LARGE1: variants seen among roughly 807,000 people sequenced by gnomAD.
The protein encoded by LARGE1 is LARGE xylosyl- and glucuronyltransferase 1.
In LARGE1, 43 loss-of-function variants were observed where a neutral mutation model predicts 87.6. The ratio of observed to expected loss-of-function variants is 0.49; its 90% confidence interval spans 0.38 to 0.63. LARGE1 has a LOEUF of 0.63. Ranked by LOEUF, LARGE1 falls within the 30% of genes least tolerant of loss-of-function variation. The probability of loss-of-function intolerance (pLI) is 0.00; values close to 1 mark genes in which losing one functional copy is unlikely to be tolerated. For missense variants in LARGE1, 802 were observed against 1,000.2 expected (o/e 0.80, Z 2.67); for synonymous variants, 434 against 394.6 (o/e 1.10, Z -1.18).
chr22:33,622,663 G>C (rs1380218364), intron 4 of LARGE1, among the ~76,000 whole-genome samples: 1 of 152,144 alleles, frequency 6.6e-6, no homozygotes, highest in Non-Finnish European at 1.5e-5. Context: ...GCTGCCACTG[G>C]AATCTCTCCC....
chr22:33,642,441 A>G (rs371493880), intron 3 of LARGE1, among the ~76,000 whole-genome samples: 6 of 152,124 alleles, frequency 3.9e-5, no homozygotes, highest in African/African-American at 1.4e-4. Context: ...ATACCAAATT[A>G]TAAAGATCAA....
the LARGE1 span, among the ~76,000 whole-genome samples, chr22:33,133,837 C>T: frequency 6.6e-6 from 1 of 151,316 alleles, no homozygotes; most frequent in African/African-American, 2.4e-5. Flanking sequence ...CCTCTCTCTC[C>T]AGCATCTGTT....
chr22:33,909,799 G>C (rs2065575603), intron 1 of LARGE1, among the ~76,000 whole-genome samples: 1 of 152,006 alleles, frequency 6.6e-6, no homozygotes, highest in Non-Finnish European at 1.5e-5. Context: ...CAGCCTCCCA[G>C]AGTGCTGGGA....
intron 6 of LARGE1, among the ~76,000 whole-genome samples, chr22:33,553,704 G>C (rs946474087): frequency 6.6e-6 from 1 of 152,094 alleles, no homozygotes; most frequent in African/African-American, 2.4e-5. Flanking sequence ...GTTTAGAGTT[G>C]AGCAACACCC....
At chr22:33,550,629 A>G (rs1281596285) in intron 6 of LARGE1, among the ~76,000 whole-genome samples, 3 of 152,232 alleles carry the variant, frequency 2.0e-5, no homozygotes, top group Non-Finnish European at 2.9e-5. Flanking sequence ...AGAAGAAAAC[A>G]GTATGGAGAG....
chr22:33,896,799 G>A (rs775938424), intron 1 of LARGE1, among the ~76,000 whole-genome samples: 2 of 152,076 alleles, frequency 1.3e-5, no homozygotes, highest in Non-Finnish European at 2.9e-5. Context: ...TGAGTTTTCC[G>A]TAATTAGATA....
intron 10 of LARGE1, among the ~76,000 whole-genome samples, chr22:33,330,075 A>G (rs993080441): frequency 4.6e-5 from 7 of 152,040 alleles, no homozygotes; most frequent in African/African-American, 1.2e-4. Context: ...TTCTTTACAG[A>G]AGGGAATATT....
chr22:33,305,513 T>G, intron 11 of LARGE1: 7 of 874,250 alleles, frequency 8.0e-6, no homozygotes, highest in Non-Finnish European at 9.6e-6. Flanking sequence ...AAAAGCCTAC[T>G]TGAATTGTTT....
intron 2 of LARGE1, among the ~76,000 whole-genome samples, chr22:33,684,930 G>T (rs931487424): frequency 5.9e-5 from 9 of 152,172 alleles, no homozygotes; most frequent in African/African-American, 2.2e-4. Context: ...GATGTCTGCT[G>T]AGGCTCCATG....
At chr22:33,521,216 T>G (rs1460324934) in intron 6 of LARGE1, among the ~76,000 whole-genome samples, 1 of 152,258 alleles carries the variant, frequency 6.6e-6, no homozygotes, top group African/African-American at 2.4e-5. Context: ...TCAGCATTGC[T>G]GTGTAACAAG....
chr22:33,563,281 A>G (rs562851455), intron 6 of LARGE1: 42 of 152,362 alleles, frequency 2.8e-4, no homozygotes, highest in African/African-American at 9.6e-4. Context: ...GACAGAGCAC[A>G]ATTAGGAGCT....
chr22:33,505,925 C>T lies in LARGE1; in HGVS notation c.787+58923G>A, dbSNP rs557586735. Among the ~76,000 whole-genome samples, 3 of 152,018 alleles carry T rather than the reference C, an allele frequency of 2.0e-5. No individual in the cohort carries two copies. In the East Asian group the frequency reaches 5.8e-4, roughly 29 times the overall value. ...TTCTGTTCTATTAGACAAAGCACCA[C>T]ATAGTTTGTATTGGACAAATTATCA... On this transcript the variant is annotated intron_variant, in intron 6 of 14. Coordinates refer to ENST00000397394, the MANE Select transcript of LARGE1 (RefSeq NM_133642.5).
chr22:33,650,295 G>A, intron 3 of LARGE1, 72 bp downstream of exon 3: 12 of 1,566,442 alleles, frequency 7.7e-6, no homozygotes, highest in Non-Finnish European at 1.1e-5. Flanking sequence ...GTGTTTCCAG[G>A]AGGCATTTGC....
At chr22:33,287,014 T>C (rs1233209374) in intron 12 of LARGE1, among the ~76,000 whole-genome samples, 2 of 152,156 alleles carry the variant, frequency 1.3e-5, no homozygotes, top group South Asian at 2.1e-4. Flanking sequence ...TCTTGGAAAT[T>C]TGAATAGAAA....
chr22:33,568,963 G>A (rs1241170661), intron 5 of LARGE1, among the ~76,000 whole-genome samples: 1 of 152,070 alleles, frequency 6.6e-6, no homozygotes, highest in African/African-American at 2.4e-5. Context: ...AGCTCTAAGA[G>A]TCAGAATTTG....
chr22:33,504,862 C>T (rs1357479983), intron 6 of LARGE1, among the ~76,000 whole-genome samples: 1 of 152,156 alleles, frequency 6.6e-6, no homozygotes, highest in African/African-American at 2.4e-5. Flanking sequence ...ATTTTGAAAA[C>T]CACAAGTGGC....
At chr22:33,591,729 C>T (rs2078842736) in intron 5 of LARGE1, among the ~76,000 whole-genome samples, 1 of 150,592 alleles carries the variant, frequency 6.6e-6, no homozygotes, top group African/African-American at 2.4e-5. Flanking sequence ...ATCTCTCTGC[C>T]AGGCATGGTG....
chr22:33,439,446 C>T (rs1027566270), intron 6 of LARGE1, among the ~76,000 whole-genome samples: 6 of 152,090 alleles, frequency 3.9e-5, no homozygotes, highest in Non-Finnish European at 7.4e-5. Flanking sequence ...AAGCCTTTAG[C>T]GTCGGCGACA....
At chr22:33,886,212 C>T (rs907016398) in intron 1 of LARGE1, among the ~76,000 whole-genome samples, 4 of 152,090 alleles carry the variant, frequency 2.6e-5, no homozygotes, top group Non-Finnish European at 4.4e-5. Context: ...AGTAAATTCC[C>T]ACCTCCCATT....
Sources: gnomAD v4.1 joint callset for allele counts (sites outside exome capture counted in the v4.1 genomes callset) on GRCh38, gnomAD v4.1.1 for gene constraint, MANE v1.5 for transcripts, NCBI Gene and HGNC (gene_info 2026-07-23, HGNC 2026-07-21) for gene names.